Variants in EPB41L4A observed in about 807,000 individuals in gnomAD.
EPB41L4A encodes band 4.1-like protein 4A.
EPB41L4A carries 100 observed loss-of-function variants against 108.6 expected under a neutral mutation model. That is an observed-to-expected ratio of 0.92 (90% CI 0.78 to 1.09). EPB41L4A has a LOEUF of 1.09. Ranked by LOEUF, EPB41L4A falls within the 50% of genes least tolerant of loss-of-function variation. The pLI is 0.00. For missense variants in EPB41L4A, 1,030 were observed against 842.7 expected, an observed-to-expected ratio of 1.22 and a Z score of -2.75; for synonymous variants, 319 against 289.0, an observed-to-expected ratio of 1.10 and a Z score of -1.05.
At chr5:112,346,030 G>A (rs909800226) in intron 1 of EPB41L4A, among the ~76,000 whole-genome samples, 5 of 151,758 alleles carry the variant, frequency 3.3e-5, no homozygotes, top group African/African-American at 4.8e-5. Context: ...TAATGTAATA[G>A]TCTTAGATTA....
intron 1 of EPB41L4A, among the ~76,000 whole-genome samples, chr5:112,399,911 A>T (rs1160231149): frequency 6.6e-6 from 1 of 152,106 alleles, no homozygotes; most frequent in Admixed American, 6.5e-5. Context: ...TGGGCCCATC[A>T]TGTCTCCCAC....
intron 1 of EPB41L4A, among the ~76,000 whole-genome samples, chr5:112,346,526 T>C (rs1221098011): frequency 1.3e-5 from 2 of 152,092 alleles, no homozygotes; most frequent in African/African-American, 2.4e-5. Flanking sequence ...CCAGCCTGTA[T>C]GCTCTTACCT....
At chr5:112,162,283 G>C (rs1009555809), downstream of EPB41L4A, 2 of 152,168 alleles carry the variant, frequency 1.3e-5, no homozygotes, top group African/African-American at 2.4e-5. Flanking sequence ...AAGACAGTGA[G>C]GATGTGAATA....
chr5:112,277,027 A>G (rs1752664942), intron 3 of EPB41L4A, among the ~76,000 whole-genome samples: 1 of 152,210 alleles, frequency 6.6e-6, no homozygotes, highest in Non-Finnish European at 1.5e-5. Context: ...TATTTCTGAC[A>G]AATACACCTC....
chr5:112,340,810 A>G (rs1301470602), intron 1 of EPB41L4A, among the ~76,000 whole-genome samples: 1 of 152,232 alleles, frequency 6.6e-6, no homozygotes, highest in Non-Finnish European at 1.5e-5. Flanking sequence ...TAGAGATTCA[A>G]TTTCGACAGC....
At chr5:112,339,504 A>ATATATC (rs1757150261) in intron 1 of EPB41L4A, among the ~76,000 whole-genome samples, 1 of 39,930 alleles carries the variant, frequency 2.5e-5, no homozygotes, top group African/African-American at 9.5e-5. Flanking sequence ...ATCTATATAT[A>ATATATC]TATATAGATA....
At chr5:112,203,751 T>C (rs572339060) in intron 15 of EPB41L4A, among the ~76,000 whole-genome samples, 2 of 151,558 alleles carry the variant, frequency 1.3e-5, no homozygotes, top group South Asian at 2.1e-4. Flanking sequence ...TATTAACATA[T>C]ACTATCTCGT....
At chr5:112,388,882 G>C (rs1350008564) in intron 1 of EPB41L4A, among the ~76,000 whole-genome samples, 2 of 152,138 alleles carry the variant, frequency 1.3e-5, no homozygotes, top group African/African-American at 4.8e-5. Flanking sequence ...CACTAACAAG[G>C]GAGTTTCCAA....
chr5:112,149,810 T>A (rs1433750073), intron 12 of EPB41L4A, among the ~76,000 whole-genome samples: 1 of 152,018 alleles, frequency 6.6e-6, no homozygotes, highest in Non-Finnish European at 1.5e-5. Context: ...ATAACAGGAA[T>A]CCAAAGCAAG....
chr5:112,202,151 C>T (rs766747617), intron 15 of EPB41L4A, among the ~76,000 whole-genome samples: 2 of 152,180 alleles, frequency 1.3e-5, no homozygotes, highest in Non-Finnish European at 2.9e-5. Context: ...TCAACTCTTG[C>T]ACTCCTGAGA....
intron 1 of EPB41L4A, among the ~76,000 whole-genome samples, chr5:112,402,922 C>A (rs565540164): frequency 6.6e-6 from 1 of 151,982 alleles, no homozygotes; most frequent in Non-Finnish European, 1.5e-5. Context: ...AGCGGTTAGT[C>A]GTATGTTTAC....
intron 12 of EPB41L4A, among the ~76,000 whole-genome samples, chr5:112,156,717 T>A (rs1363948015): frequency 1.3e-5 from 2 of 152,204 alleles, no homozygotes; most frequent in African/African-American, 2.4e-5. Context: ...CATATAGATG[T>A]CAACTCTCCT....
At chr5:112,392,470 A>G (rs1069394) in intron 1 of EPB41L4A, among the ~76,000 whole-genome samples, 2 of 151,956 alleles carry the variant, frequency 1.3e-5, no homozygotes, top group East Asian at 1.9e-4. Context: ...CTTTAAACCA[A>G]CAAAGATCAA....
intron 1 of EPB41L4A, among the ~76,000 whole-genome samples, chr5:112,336,820 T>C (rs967756648): frequency 2.6e-5 from 4 of 152,204 alleles, no homozygotes; most frequent in African/African-American, 9.7e-5. Flanking sequence ...CCTAGAGGTA[T>C]TTGGGGTCAA....
chr5:112,144,210 C>G (rs1169293595), intron 13 of EPB41L4A, among the ~76,000 whole-genome samples: 1 of 152,214 alleles, frequency 6.6e-6, no homozygotes, highest in Non-Finnish European at 1.5e-5. Flanking sequence ...TTATACTTAA[C>G]TTCCCATTCT....
At chr5:112,398,667 G>C (rs565784740) in intron 1 of EPB41L4A, among the ~76,000 whole-genome samples, 3 of 152,232 alleles carry the variant, frequency 2.0e-5, no homozygotes, top group African/African-American at 7.2e-5. Context: ...GGGATTACAG[G>C]CTTCTGAACC....
intron 1 of EPB41L4A, among the ~76,000 whole-genome samples, chr5:112,369,881 A>G (rs1759376033): frequency 6.6e-6 from 1 of 152,226 alleles, no homozygotes; most frequent in Non-Finnish European, 1.5e-5. Flanking sequence ...GAGCACTCCA[A>G]GGCACCAACC....
At chr5:112,299,095 C>T (rs1251418713) in intron 2 of EPB41L4A, among the ~76,000 whole-genome samples, 2 of 152,000 alleles carry the variant, frequency 1.3e-5, no homozygotes, top group Non-Finnish European at 2.9e-5. Context: ...TTCAAAGAAC[C>T]AGCTGTTTGT....
At position 112,247,964 on chromosome 5, in the gene EPB41L4A, T is replaced by C. The variant is rs566166866; in HGVS notation, c.796-7154A>G. On this transcript the variant is annotated intron_variant, in intron 9 of 22. Transcript: ENST00000261486. ...AAAGATATTTCAAATCCAACCAGAA[T>C]TGAGTTTTTCTCAAGTTTCCTTGGG... is the stretch of plus-strand genomic sequence containing the variant. Among the ~76,000 whole-genome samples the C allele has an allele frequency of 2.0e-4, 31 of 152,278 alleles. 1 individual carries two copies. The highest frequency in any genetic ancestry group is 7.0e-4 in the African/African-American group (29 of 41,564).
Sources: gnomAD v4.1 joint callset for allele counts (sites outside exome capture counted in the v4.1 genomes callset) on GRCh38, gnomAD v4.1.1 for gene constraint, MANE v1.5 for transcripts, NCBI Gene and HGNC (gene_info 2026-07-23, HGNC 2026-07-21) for gene names.